Variants in PARN observed in about 807,000 individuals in gnomAD.
The protein encoded by PARN is poly(A)-specific ribonuclease PARN.
In PARN, 71 loss-of-function variants were observed where a neutral mutation model predicts 102.8. The ratio of observed to expected loss-of-function variants is 0.69; its 90% CI spans 0.57 to 0.84. The LOEUF is 0.84. Among genes scored for constraint, PARN ranks in the 40% least tolerant of loss-of-function variants. PARN has a pLI of 0.00. For missense variants in PARN, 782 were observed against 760.9 expected, an observed-to-expected ratio of 1.03 and a Z score of -0.33; for synonymous variants, 261 against 252.9, an observed-to-expected ratio of 1.03 and a Z score of -0.30.
chr16:14,506,708 A>G (rs1964911156), intron 21 of PARN, among the ~76,000 whole-genome samples: 2 of 152,218 alleles, frequency 1.3e-5, no homozygotes, highest in Non-Finnish European at 2.9e-5. Flanking sequence ...ATCAAAAGTG[A>G]AGCTGAATGC....
rs1596433626 is a variant in PARN at position 14,447,060 on chromosome 16, T to C, written c.1692A>G (p.Val564=). The C allele has an allele frequency of 1.2e-6, 2 of 1,613,714 alleles. No homozygotes were observed. Among genetic ancestry groups the C allele is most frequent in the East Asian group, 4.5e-5 (2 of 44,872 alleles). ...RNNSFTAPST[V]GKRNLSPSQE... ...GACTAGGACTCAAATTTCTCTTTCC[T>C]ACTGTGCTGGGAGCTGTAAAACTGA... Residue 564 remains valine (V), a synonymous_variant, in exon 23 of 24, where the codon GTA becomes GTG. Transcript: ENST00000437198.
chr16:14,509,475 T>C (rs1022970010), intron 21 of PARN, among the ~76,000 whole-genome samples: 5 of 152,242 alleles, frequency 3.3e-5, no homozygotes, highest in Non-Finnish European at 7.3e-5. Context: ...TAAATTTTTA[T>C]TGAAATGGTA....
chr16:14,630,107 T>C lies in PARN; in HGVS notation c.19A>G (p.Asn7Asp). ...GGGGAGGTGTACGGCGGACACGCAC[T>C]GCTCCTGATTATCTCCATTCTGCAG... The part of the protein sequence containing the change: MEIIRS[N>D]FKSNLHKVYQ... Residue 7 changes from asparagine to aspartate, a missense_variant and splice_region_variant, in exon 1 of 24, where the codon AAT becomes GAT. Coordinates refer to ENST00000437198, the MANE Select transcript of PARN (RefSeq NM_002582.4). The C allele has an allele frequency of 5.1e-6, 8 of 1,561,270 alleles. No homozygotes were observed. The highest frequency in any genetic ancestry group is 6.9e-6 in the Non-Finnish European group (8 of 1,151,786).
At chr16:14,572,952 A>T (rs1968899013) in intron 18 of PARN, among the ~76,000 whole-genome samples, 1 of 151,572 alleles carries the variant, frequency 6.6e-6, no homozygotes, top group African/African-American at 2.4e-5. Context: ...GCAGTGCTGC[A>T]ACCATGGCTC....
intron 21 of PARN, among the ~76,000 whole-genome samples, chr16:14,533,187 C>A (rs1013706792): frequency 1.3e-5 from 2 of 152,116 alleles, no homozygotes; most frequent in Non-Finnish European, 2.9e-5. Flanking sequence ...GCGGATCACT[C>A]GCGGTTAGGA....
At chr16:14,490,085 G>C (rs2151609266) in intron 21 of PARN, among the ~76,000 whole-genome samples, 1 of 152,316 alleles carries the variant, frequency 6.6e-6, no homozygotes, top group South Asian at 2.1e-4. Flanking sequence ...TTGAGCCCGG[G>C]ATGTGGAGGT....
chr16:14,629,705 C>G (rs760055647), intron 1 of PARN, 31 bp from the exon 2 acceptor site: 10 of 1,515,792 alleles, frequency 6.6e-6, no homozygotes, highest in Middle Eastern at 1.7e-4. Flanking sequence ...GGCTCAGAAC[C>G]AGTGGCCTGA....
intron 21 of PARN, among the ~76,000 whole-genome samples, chr16:14,515,617 A>G (rs1033151655): frequency 3.3e-5 from 5 of 152,184 alleles, no homozygotes; most frequent in Non-Finnish European, 5.9e-5. Flanking sequence ...GAAATCAACT[A>G]AAAGATTTAA....
chr16:14,590,112 A>G (rs1970086253), intron 13 of PARN, among the ~76,000 whole-genome samples: 1 of 150,738 alleles, frequency 6.6e-6, no homozygotes, highest in African/African-American at 2.4e-5. Context: ...TTAGCTGGGC[A>G]TGGTGGCGGG....
intron 21 of PARN, among the ~76,000 whole-genome samples, chr16:14,533,190 G>T (rs1024762593): frequency 6.6e-6 from 1 of 152,096 alleles, no homozygotes; most frequent in East Asian, 1.9e-4. Flanking sequence ...GATCACTCGC[G>T]GTTAGGAGCT....
At chr16:14,566,515 TGA>T (rs1968440707) in intron 18 of PARN, among the ~76,000 whole-genome samples, 4 of 152,114 alleles carry the variant, frequency 2.6e-5, no homozygotes, top group Non-Finnish European at 2.9e-5. Flanking sequence ...TCCAGAACCA[TGA>T]GAGATGTATT....
chr16:14,482,209 C>A (rs1462452813), intron 22 of PARN, among the ~76,000 whole-genome samples: 1 of 152,064 alleles, frequency 6.6e-6, no homozygotes, highest in Non-Finnish European at 1.5e-5. Flanking sequence ...CCAGCATGGG[C>A]AATAGAGCGA....
intron 21 of PARN, among the ~76,000 whole-genome samples, chr16:14,513,780 ACTCT>A: frequency 6.6e-6 from 1 of 152,026 alleles, no homozygotes. Flanking sequence ...TTGGAGCAAA[ACTCT>A]CTTTCTTAGA....
intron 22 of PARN, among the ~76,000 whole-genome samples, chr16:14,450,531 C>T (rs1961404483): frequency 6.6e-6 from 1 of 152,082 alleles, no homozygotes; most frequent in Admixed American, 6.5e-5. Flanking sequence ...CACACACACA[C>T]ACACATATAT....
intron 22 of PARN, among the ~76,000 whole-genome samples, chr16:14,462,614 G>A (rs1479703889): frequency 6.6e-6 from 1 of 151,146 alleles, no homozygotes; most frequent in Non-Finnish European, 1.5e-5. Context: ...GAATATTCTC[G>A]AAAATTCCAG....
Position 14,484,438 on chromosome 16 carries a change from C to T in PARN, c.1481-1611G>A, listed in dbSNP as rs191975798. On this transcript the variant is annotated intron_variant, in intron 21 of 23. Transcript: ENST00000437198. ...CAGTGAGACCATCAGAGCCTGGCCA[C>T]GCTGTTCAGGGCAGTCTTTGTACCT... is the stretch of plus-strand genomic sequence containing the variant. Among the ~76,000 whole-genome samples the T allele has an allele frequency of 7.2e-5, 11 of 152,308 alleles. No homozygotes were observed. In the East Asian group the frequency reaches 1.2e-3, roughly 16 times the overall value.
intron 21 of PARN, among the ~76,000 whole-genome samples, chr16:14,545,403 T>G (rs1018146610): frequency 1.3e-5 from 2 of 152,198 alleles, no homozygotes; most frequent in Non-Finnish European, 2.9e-5. Context: ...CCTAAGCATT[T>G]GGAAATGAAA....
chr16:14,497,306 T>C (rs1964367760), intron 21 of PARN, among the ~76,000 whole-genome samples: 1 of 152,184 alleles, frequency 6.6e-6, no homozygotes, highest in Non-Finnish European at 1.5e-5. Context: ...ATGTGCTTTG[T>C]GTTCTAAAAG....
chr16:14,443,335 G>T (rs939670114), intron 23 of PARN, among the ~76,000 whole-genome samples: 1 of 149,446 alleles, frequency 6.7e-6, no homozygotes, highest in African/African-American at 2.5e-5. Flanking sequence ...GATATAAAGA[G>T]ATTACTTTTT....
Sources: gnomAD v4.1 joint callset for allele counts (sites outside exome capture counted in the v4.1 genomes callset) on GRCh38, gnomAD v4.1.1 for gene constraint, MANE v1.5 for transcripts, NCBI Gene and HGNC (gene_info 2026-07-23, HGNC 2026-07-21) for gene names.